Variants in HNF4A observed in about 807,000 individuals in gnomAD.
HNF4A encodes hepatocyte nuclear factor 4 alpha.
HNF4A carries 15 observed loss-of-function variants against 52.4 expected under a neutral mutation model. The ratio of observed to expected loss-of-function variants is 0.29; its 90% CI spans 0.19 to 0.44. HNF4A has a LOEUF of 0.44. Ranked by LOEUF, HNF4A falls within the 20% of genes least tolerant of loss-of-function variation. The probability of loss-of-function intolerance (pLI) is 1.00; values close to 1 mark genes in which losing one functional copy is unlikely to be tolerated. For missense variants in HNF4A, 479 were observed against 647.2 expected (o/e 0.74, Z 2.82); for synonymous variants, 280 against 264.4 (o/e 1.06, Z -0.57).
chr20:44,371,361 T>C (rs1352293035), intron 1 of HNF4A, among the ~76,000 whole-genome samples: 1 of 152,170 alleles, frequency 6.6e-6, no homozygotes, highest in Admixed American at 6.5e-5. Context: ...CACTGCAATC[T>C]CCGCCTCCCA....
At chr20:44,367,684 A>C (rs1454850795) in intron 1 of HNF4A, among the ~76,000 whole-genome samples, 1 of 151,576 alleles carries the variant, frequency 6.6e-6, no homozygotes, top group South Asian at 2.1e-4. Context: ...ATGGTGGCGC[A>C]CACTTAAATC....
rs537699859 is a variant in HNF4A, at chr20:44,408,124, G to A, written c.385+649G>A. Reference sequence around the variant, plus strand: ...TGGGCTGTGCTTTTTCCACACTTCAGTAGGTTGGGTTCATTTCATTTTCAT... The same window carrying A: ...TGGGCTGTGCTTTTTCCACACTTCAATAGGTTGGGTTCATTTCATTTTCAT... On this transcript the variant is annotated intron_variant, in intron 3 of 9. Coordinates refer to ENST00000316099, the MANE Select transcript of HNF4A (RefSeq NM_000457.6). The A allele has an allele frequency of 4.4e-5, 7 of 160,850 alleles. No homozygotes were observed. The South Asian group carries it at 1.3e-3, about 29-fold the overall frequency. 10.0% of individuals were successfully genotyped at this position (160,850 alleles called of 1,614,324 possible). A position where few individuals can be genotyped will look rare whatever the true frequency, so the allele number is the denominator to read the frequency against.
intron 1 of HNF4A, chr20:44,390,601 G>T (rs1322195790): frequency 1.4e-6 from 1 of 702,514 alleles, no homozygotes; most frequent in South Asian, 1.5e-5. Flanking sequence ...GGATGAAGAG[G>T]TTGTGCACTG....
rs113028053 is a variant in HNF4A at position 44,402,897 on chromosome 20, C to T, written c.115+1410C>T. Among the ~76,000 whole-genome samples, 655 of 152,316 alleles carry T rather than the reference C, an allele frequency of 4.3e-3. 7 individuals carry two copies. Among genetic ancestry groups the T allele is most frequent in the East Asian group, 0.035 (179 of 5,178 alleles). On this transcript the variant is annotated intron_variant, in intron 1 of 9. Transcript: ENST00000316099. ...TTGTTGTCAGCTCAGCAGGTGCTCA[C>T]CTGCCCCTGCCGTCCAGTCACGTGT...
At chr20:44,426,278 T>C (rs2063813851) in intron 8 of HNF4A, among the ~76,000 whole-genome samples, 1 of 152,004 alleles carries the variant, frequency 6.6e-6, no homozygotes, top group Admixed American at 6.6e-5. Flanking sequence ...AAAGGGTCCA[T>C]TGGATTGACA....
At chr20:44,374,686 A>G (rs2038468460) in intron 1 of HNF4A, among the ~76,000 whole-genome samples, 1 of 151,842 alleles carries the variant, frequency 6.6e-6, no homozygotes, top group Admixed American at 6.6e-5. Flanking sequence ...TTGGTCTCGA[A>G]CTCCTGACCT....
At chr20:44,404,589 T>C (rs2063457074) in intron 1 of HNF4A, among the ~76,000 whole-genome samples, 1 of 151,232 alleles carries the variant, frequency 6.6e-6, no homozygotes, top group South Asian at 2.1e-4. Flanking sequence ...TTTGTATATG[T>C]GTGTGTTGAT....
At chr20:44,369,014 G>A (rs1009561557) in intron 1 of HNF4A, among the ~76,000 whole-genome samples, 2 of 151,948 alleles carry the variant, frequency 1.3e-5, no homozygotes, top group South Asian at 2.1e-4. Context: ...TTGGGAGGCC[G>A]AGGCGGGCAG....
At chr20:44,402,159 G>C (rs577266679) in intron 1 of HNF4A, among the ~76,000 whole-genome samples, 12 of 151,988 alleles carry the variant, frequency 7.9e-5, no homozygotes, top group Non-Finnish European at 1.8e-4. Flanking sequence ...GTGAGTTCTG[G>C]GTCTATTTTC....
intron 1 of HNF4A, among the ~76,000 whole-genome samples, chr20:44,391,774 A>T (rs2063304925): frequency 6.6e-6 from 1 of 152,220 alleles, no homozygotes; most frequent in Admixed American, 6.5e-5. Context: ...ATGATCTTAC[A>T]TGCTATCTGG....
chr20:44,419,805 T>G lies in HNF4A; in HGVS notation c.821T>G (p.Leu274Arg). Residue 274 changes from leucine (L) to arginine (R), a missense_variant, in exon 7 of 10, where the codon CTG (leucine) becomes CGG (arginine). Leu to Arg is a moderately radical substitution (Grantham distance 102). Transcript: ENST00000316099. ...ATACGCATCCTTGACGAGCTGGTGC[T>G]GCCCTTCCAGGAGCTGCAGATCGAT... 1.9e-6 allele frequency: 3 copies of G among 1,614,132 alleles called. No homozygotes were observed. The highest frequency in any genetic ancestry group is 1.7e-6 in the Non-Finnish European group (2 of 1,179,976).
At chr20:44,429,451 C>G in intron 9 of HNF4A, 72 bp from the exon 10 acceptor site, 2 of 1,590,584 alleles carry the variant, frequency 1.3e-6, no homozygotes, top group South Asian at 2.2e-5. Flanking sequence ...GAGAACTTTC[C>G]CGGGCCTCTT....
chr20:44,371,552 C>T (rs938412995), intron 1 of HNF4A, among the ~76,000 whole-genome samples: 2 of 152,258 alleles, frequency 1.3e-5, no homozygotes, highest in East Asian at 1.9e-4. Flanking sequence ...AGGCTGGGCC[C>T]GGTGGCTCAC....
chr20:44,411,648 C>T (rs34956692), intron 3 of HNF4A, among the ~76,000 whole-genome samples: 47,928 of 152,016 alleles, frequency 0.32, 7,704 homozygotes, highest in Middle Eastern at 0.45. Context: ...CACTGACTCC[C>T]GGGCTCAAGT....
chr20:44,418,658 G>A (rs2063700738), intron 6 of HNF4A, 146 bp downstream of exon 6: 1 of 631,838 alleles, frequency 1.6e-6, no homozygotes, highest in Admixed American at 2.7e-5. Context: ...GCATTAGAGG[G>A]CTCCAGGACT....
chr20:44,389,530 G>A lies in HNF4A; in HGVS notation c.50-16528G>A, dbSNP rs868629139. On this transcript the variant is annotated intron_variant, in intron 1 of 9. Coordinates refer to the HNF4A transcript ENST00000316673. ...TATTTGCTCATCTGCACCCCTCTGA[G>A]GGGGATATTTTGCCCATGGTCTTCC... is the stretch of plus-strand genomic sequence containing the variant. The A allele has an allele frequency of 2.0e-5, 3 of 152,260 alleles. No individual in the cohort carries two copies. The East Asian group carries it at 5.8e-4, about 29-fold the overall frequency. The allele number at this position is 152,260 out of a possible 1,614,324, so 9.4% of individuals were successfully genotyped here.
intron 1 of HNF4A, among the ~76,000 whole-genome samples, chr20:44,358,229 A>G (rs2062879001): frequency 6.7e-6 from 1 of 148,566 alleles, no homozygotes; most frequent in Non-Finnish European, 1.5e-5. Context: ...GAGCTACTGA[A>G]GTCTGCTGGA....
At chr20:44,420,760 G>A (rs1352126577) in intron 7 of HNF4A, among the ~76,000 whole-genome samples, 1 of 152,200 alleles carries the variant, frequency 6.6e-6, no homozygotes, top group Non-Finnish European at 1.5e-5. Context: ...GGAGGCTGCT[G>A]TGAGATGTGA....
At chr20:44,383,983 T>C (rs1033626114) in intron 1 of HNF4A, among the ~76,000 whole-genome samples, 4 of 151,940 alleles carry the variant, frequency 2.6e-5, no homozygotes, top group Non-Finnish European at 5.9e-5. Flanking sequence ...CCTGAGTAGC[T>C]GGGATTACAG....
Sources: gnomAD v4.1 joint callset for allele counts (sites outside exome capture counted in the v4.1 genomes callset) on GRCh38, gnomAD v4.1.1 for gene constraint, MANE v1.5 for transcripts, NCBI Gene and HGNC (gene_info 2026-07-23, HGNC 2026-07-21) for gene names.